Variants in XPO6 observed in about 807,000 individuals in gnomAD.
XPO6 encodes the protein exportin-6.
Under a neutral mutation model 130.0 loss-of-function variants are expected in XPO6, and 3 were observed. The ratio of observed to expected loss-of-function variants is 0.02; its 90% CI spans 0.01 to 0.06. The LOEUF (loss-of-function observed/expected upper bound fraction) is 0.06. Ranked by LOEUF, XPO6 falls within the 10% of genes least tolerant of loss-of-function variation. The pLI is 1.00. For missense variants in XPO6, 970 were observed against 1,393.0 expected (o/e 0.70, Z 4.83); for synonymous variants, 524 against 548.9 (o/e 0.95, Z 0.63).
chr16:28,114,687 G>A (rs2087009955), intron 15 of XPO6, among the ~76,000 whole-genome samples: 1 of 152,158 alleles, frequency 6.6e-6, no homozygotes. Flanking sequence ...GGGTGGCTGT[G>A]GCAATTACTT....
intron 1 of XPO6, among the ~76,000 whole-genome samples, chr16:28,191,463 C>A (rs2043785927): frequency 6.6e-6 from 1 of 152,128 alleles, no homozygotes; most frequent in African/African-American, 2.4e-5. Context: ...TCAAAAGATA[C>A]TTACTGGGCA....
In XPO6 at chr16:28,211,255, C is replaced by T. The variant is rs1053739118; in HGVS notation, c.3+111G>A. On this transcript the variant is annotated intron_variant, in intron 1 of 23. Coordinates refer to ENST00000304658, the MANE Select transcript of XPO6 (RefSeq NM_015171.4). ...CATGTGTCACCGGCCAGGCTCCGCA[C>T]GCGCCTCTCCCCGCCATGGGGAGAG... is the stretch of plus-strand genomic sequence containing the variant. 1.5e-5 allele frequency: 18 copies of T among 1,164,828 alleles called. No individual in the cohort carries two copies. In the African/African-American group the frequency reaches 2.8e-4, roughly 18 times the overall value. The allele number at this position is 1,164,828 out of a possible 1,614,324, so 72.2% of individuals were successfully genotyped here.
intron 9 of XPO6, among the ~76,000 whole-genome samples, chr16:28,136,306 G>A (rs543472790): frequency 2.6e-5 from 4 of 152,202 alleles, no homozygotes; most frequent in South Asian, 2.1e-4. Flanking sequence ...TCCAACCTCC[G>A]CCTCCCCAGG....
intron 8 of XPO6, among the ~76,000 whole-genome samples, chr16:28,148,556 T>C (rs1939712326): frequency 6.6e-6 from 1 of 152,228 alleles, no homozygotes; most frequent in Non-Finnish European, 1.5e-5. Context: ...ATGATACCAT[T>C]CTATCTTCCA....
chr16:28,130,201 G>A (rs545932573), intron 12 of XPO6, among the ~76,000 whole-genome samples: 1 of 152,370 alleles, frequency 6.6e-6, no homozygotes, highest in African/African-American at 2.4e-5. Context: ...TAACCACACT[G>A]CAGGCCTCAC....
At chr16:28,183,826 TTTC>T (rs1567643173) in intron 1 of XPO6, among the ~76,000 whole-genome samples, 1 of 152,140 alleles carries the variant, frequency 6.6e-6, no homozygotes, top group Non-Finnish European at 1.5e-5. Context: ...TAGTGGGGCT[TTTC>T]AGACTAGATT....
intron 5 of XPO6, among the ~76,000 whole-genome samples, chr16:28,169,095 G>A (rs536131308): frequency 7.2e-5 from 11 of 152,262 alleles, no homozygotes; most frequent in Non-Finnish European, 1.5e-4. Context: ...CAGGCTCCCG[G>A]CACCCTCAGG....
intron 7 of XPO6, 52 bp downstream of exon 7, chr16:28,156,022 A>G: frequency 6.5e-7 from 1 of 1,543,484 alleles, no homozygotes; most frequent in Non-Finnish European, 8.7e-7. Flanking sequence ...AGCATGGTAA[A>G]CAGTCAGGGC....
At position 28,132,694 on chromosome 16, in the gene XPO6, T is replaced by C. The variant is rs1277728243; in HGVS notation, c.1537-291A>G. Among the ~76,000 whole-genome samples, 2 of 151,306 alleles carry C rather than the reference T, an allele frequency of 1.3e-5. No individual in the cohort carries two copies. Among genetic ancestry groups the C allele is most frequent in the African/African-American group, 2.4e-5 (1 of 41,144 alleles). On this transcript the variant is annotated intron_variant, in intron 11 of 23. Coordinates refer to ENST00000304658, the MANE Select transcript of XPO6 (RefSeq NM_015171.4). The surrounding 1 kb of genome is among the most constrained non-coding windows in gnomAD (Gnocchi z 4.0). Reference sequence around the variant, plus strand: ...AGCAAAGGACACTGTGGTATGACTCTTACGTTCCTAATAGAGGAGATCAAA... The same window carrying C: ...AGCAAAGGACACTGTGGTATGACTCCTACGTTCCTAATAGAGGAGATCAAA...
chr16:28,104,000 C>T (rs1391532521), intron 21 of XPO6, among the ~76,000 whole-genome samples: 1 of 152,196 alleles, frequency 6.6e-6, no homozygotes, highest in Non-Finnish European at 1.5e-5. Flanking sequence ...AGCAGGCTGG[C>T]TGTCTGGGCG....
chr16:28,103,771 G>C (rs1016378199), intron 21 of XPO6, among the ~76,000 whole-genome samples: 1 of 152,238 alleles, frequency 6.6e-6, no homozygotes, highest in Non-Finnish European at 1.5e-5. Context: ...TGCCACACAA[G>C]AGTCAGTATG....
intron 1 of XPO6, among the ~76,000 whole-genome samples, chr16:28,205,231 T>G (rs758949089): frequency 2.0e-5 from 3 of 152,220 alleles, no homozygotes; most frequent in Non-Finnish European, 4.4e-5. Flanking sequence ...TACATGTATA[T>G]GTGTACATAG....
At position 28,117,240 on chromosome 16, in the gene XPO6, T is replaced by A. The variant is rs1425659456; in HGVS notation, c.2004+78A>T. 8 of 1,564,756 alleles carry A rather than the reference T, an allele frequency of 5.1e-6. No homozygotes were observed. The East Asian group carries it at 1.1e-4, about 22-fold the overall frequency. Reference sequence around the variant, plus strand: ...GGTCTAACTCTGTGTCATATTTAGATTTTCTAGTAAATGGGTATAGGAACA... The same window carrying A: ...GGTCTAACTCTGTGTCATATTTAGAATTTCTAGTAAATGGGTATAGGAACA... On this transcript the variant is annotated intron_variant, in intron 15 of 23. Coordinates refer to ENST00000304658, the MANE Select transcript of XPO6 (RefSeq NM_015171.4).
intron 1 of XPO6, among the ~76,000 whole-genome samples, chr16:28,191,694 G>A (rs1336311313): frequency 2.0e-5 from 3 of 152,184 alleles, no homozygotes; most frequent in Non-Finnish European, 2.9e-5. Context: ...TACACCCCTT[G>A]AGGAAGCACA....
chr16:28,104,033 C>T (rs979285810), intron 21 of XPO6, among the ~76,000 whole-genome samples: 10 of 152,206 alleles, frequency 6.6e-5, no homozygotes, highest in Non-Finnish European at 1.3e-4. Context: ...CCCAGTCTTC[C>T]ACAGCAAGGG....
chr16:28,211,221 C>T (rs944615611), intron 1 of XPO6, 145 bp downstream of exon 1: 8 of 811,570 alleles, frequency 9.9e-6, no homozygotes, highest in African/African-American at 1.8e-5. Flanking sequence ...GGGCTGCACA[C>T]TCTGCACGCA....
intron 9 of XPO6, among the ~76,000 whole-genome samples, chr16:28,141,015 G>A (rs2042881340): frequency 6.6e-6 from 1 of 152,210 alleles, no homozygotes. Flanking sequence ...GCCCTGTGGG[G>A]CAGTCAAGAG....
chr16:28,164,675 G>A (rs1367398765), intron 6 of XPO6, among the ~76,000 whole-genome samples: 2 of 152,094 alleles, frequency 1.3e-5, no homozygotes, highest in Non-Finnish European at 2.9e-5. Context: ...ATTTTATTCC[G>A]CTTAGCCGCA....
At chr16:28,186,672 AT>A (rs35690546) in intron 1 of XPO6, among the ~76,000 whole-genome samples, 148 of 140,796 alleles carry the variant, frequency 1.1e-3, no homozygotes, top group African/African-American at 2.0e-3. Flanking sequence ...ATTCAGCCTA[AT>A]TTTTTTTTTT....
Sources: allele counts gnomAD v4.1 joint callset (sites outside exome capture counted in the v4.1 genomes callset), GRCh38; gene constraint gnomAD v4.1.1; non-coding constraint Gnocchi (gnomAD v3.1); transcripts MANE v1.5; gene names NCBI Gene and HGNC (gene_info 2026-07-23, HGNC 2026-07-21).